AFG1L: variants seen among roughly 807,000 people sequenced by gnomAD.
The protein encoded by AFG1L is AFG1 like ATPase.
AFG1L carries 53 observed loss-of-function variants against 62.2 expected under a neutral mutation model. The observed-to-expected ratio is 0.85, with a 90% CI of 0.68 to 1.07. AFG1L has a LOEUF of 1.07. AFG1L is among the 50% of genes least tolerant of loss of function. AFG1L has a pLI of 0.00. For synonymous variants in AFG1L, 228 were observed against 210.3 expected (o/e 1.08, Z -0.73); for missense variants, 555 against 590.5 (o/e 0.94, Z 0.62).
intron 6 of AFG1L, among the ~76,000 whole-genome samples, chr6:108,375,752 A>G (rs1382257532): frequency 6.6e-6 from 1 of 152,020 alleles, no homozygotes; most frequent in Non-Finnish European, 1.5e-5. Context: ...GGATTTTGGT[A>G]TCTGTGCCCA....
chr6:108,493,753 G>T (rs1267559121), intron 10 of AFG1L, among the ~76,000 whole-genome samples: 1 of 152,144 alleles, frequency 6.6e-6, no homozygotes, highest in African/African-American at 2.4e-5. Flanking sequence ...GTTATGTATT[G>T]TCTTGGAGTT....
At chr6:108,501,696 A>T (rs781361127) in intron 10 of AFG1L, among the ~76,000 whole-genome samples, 8 of 152,116 alleles carry the variant, frequency 5.3e-5, no homozygotes, top group Non-Finnish European at 1.2e-4. Context: ...TGAAGTGATC[A>T]TATTACTGTC....
intron 10 of AFG1L, among the ~76,000 whole-genome samples, chr6:108,508,951 G>A (rs1003014941): frequency 2.0e-5 from 3 of 152,140 alleles, no homozygotes; most frequent in Non-Finnish European, 2.9e-5. Context: ...CCTAGAGGTC[G>A]ATCAGGGTGA....
chr6:108,318,058 G>A (rs766413876), intron 1 of AFG1L: 1 of 153,710 alleles, frequency 6.5e-6, no homozygotes, highest in Admixed American at 6.5e-5. Context: ...GTGTTTTCTT[G>A]TAGATAGCAT....
chr6:108,518,600 T>A (rs1774994978), intron 11 of AFG1L, among the ~76,000 whole-genome samples: 1 of 152,088 alleles, frequency 6.6e-6, no homozygotes, highest in African/African-American at 2.4e-5. Flanking sequence ...TGTATACATA[T>A]GTAACAAACC....
At chr6:108,396,489 TG>T (rs1209539103) in intron 6 of AFG1L, among the ~76,000 whole-genome samples, 1 of 152,140 alleles carries the variant, frequency 6.6e-6, no homozygotes, top group African/African-American at 2.4e-5. Context: ...ATCTTTTTTT[TG>T]TTTTGTTTTG....
At chr6:108,466,418 G>T (rs1344618342) in intron 8 of AFG1L, among the ~76,000 whole-genome samples, 1 of 152,098 alleles carries the variant, frequency 6.6e-6, no homozygotes, top group Non-Finnish European at 1.5e-5. Flanking sequence ...GGACTGAATT[G>T]TGTCCCCCAA....
intron 8 of AFG1L, among the ~76,000 whole-genome samples, chr6:108,463,530 G>A (rs1772548798): frequency 6.6e-6 from 1 of 151,878 alleles, no homozygotes; most frequent in African/African-American, 2.4e-5. Flanking sequence ...TTTATTTGGG[G>A]AAAAATACAA....
chr6:108,349,638 G>A (rs983186493), intron 3 of AFG1L, among the ~76,000 whole-genome samples: 1 of 150,200 alleles, frequency 6.7e-6, no homozygotes, highest in East Asian at 2.0e-4. Context: ...TAACAAGGCT[G>A]GGCATGGTGG....
chr6:108,368,238 C>T (rs1381410785), intron 6 of AFG1L, among the ~76,000 whole-genome samples: 2 of 150,944 alleles, frequency 1.3e-5, no homozygotes, highest in Non-Finnish European at 1.5e-5. Context: ...AAGTATGATT[C>T]TAATATAATT....
At chr6:108,350,379 C>A (rs1187298621) in intron 3 of AFG1L, among the ~76,000 whole-genome samples, 1 of 151,450 alleles carries the variant, frequency 6.6e-6, no homozygotes, top group Admixed American at 6.6e-5. Flanking sequence ...ATAGAGAATA[C>A]CTACCTGGTA....
chr6:108,304,345 T>C (rs1283303296), intron 1 of AFG1L, among the ~76,000 whole-genome samples: 1 of 152,232 alleles, frequency 6.6e-6, no homozygotes, highest in East Asian at 1.9e-4. Context: ...TTGATGACCA[T>C]TGCAGTTTTC....
intron 7 of AFG1L, among the ~76,000 whole-genome samples, chr6:108,446,778 A>T (rs1312040539): frequency 1.3e-5 from 2 of 152,116 alleles, no homozygotes; most frequent in Non-Finnish European, 2.9e-5. Flanking sequence ...TGCTGGAATT[A>T]CAGGCGTGAA....
chr6:108,415,931 A>G (rs1355206173), intron 7 of AFG1L, among the ~76,000 whole-genome samples: 2 of 152,244 alleles, frequency 1.3e-5, no homozygotes, highest in Non-Finnish European at 2.9e-5. Flanking sequence ...GGATCTAATT[A>G]AACTTAAAGA....
chr6:108,344,930 G>T (rs1280834074), intron 2 of AFG1L: 3 of 388,890 alleles, frequency 7.7e-6, no homozygotes, highest in African/African-American at 6.4e-5. Context: ...GGACCTGACT[G>T]CTTTCCTGAC....
intron 2 of AFG1L, among the ~76,000 whole-genome samples, chr6:108,326,198 G>C (rs570829741): frequency 6.6e-6 from 1 of 152,246 alleles, no homozygotes; most frequent in Non-Finnish European, 1.5e-5. Context: ...AGCCCCCTGA[G>C]TAGGCTAGGG....
intron 3 of AFG1L, among the ~76,000 whole-genome samples, chr6:108,347,949 C>G (rs1231627161): frequency 6.6e-6 from 1 of 152,048 alleles, no homozygotes; most frequent in African/African-American, 2.4e-5. Flanking sequence ...TATTCACACT[C>G]TAGGCTCCCC....
At chr6:108,340,293 G>GTT (rs889014363) in intron 2 of AFG1L, among the ~76,000 whole-genome samples, 5 of 140,744 alleles carry the variant, frequency 3.6e-5, no homozygotes, top group African/African-American at 1.3e-4. Context: ...AACTGATGCA[G>GTT]TTTTTTTTTT....
intron 7 of AFG1L, among the ~76,000 whole-genome samples, chr6:108,427,647 G>C (rs1184536195): frequency 6.7e-6 from 1 of 149,838 alleles, no homozygotes; most frequent in Admixed American, 6.8e-5. Flanking sequence ...TCAGCCTCCT[G>C]AGTAGCTGGG....
Sources: allele counts gnomAD v4.1 joint callset (sites outside exome capture counted in the v4.1 genomes callset), GRCh38; gene constraint gnomAD v4.1.1; transcripts MANE v1.5; gene names NCBI Gene and HGNC (gene_info 2026-07-23, HGNC 2026-07-21).